CBLN2: variants seen among roughly 807,000 people sequenced by gnomAD.
CBLN2 encodes the protein cerebellin 2 precursor.
CBLN2 carries 7 observed loss-of-function variants against 15.0 expected under a neutral mutation model. The observed-to-expected ratio is 0.47, with a 90% CI of 0.27 to 0.88. CBLN2 has a LOEUF of 0.88. Among genes scored for constraint, CBLN2 ranks in the 40% least tolerant of loss-of-function variants. The probability of loss-of-function intolerance (pLI) is 0.14; values close to 1 mark genes in which losing one functional copy is unlikely to be tolerated. For synonymous variants in CBLN2, 149 were observed against 135.2 expected (o/e 1.10, Z -0.71); for missense variants, 242 against 304.5 (o/e 0.79, Z 1.53).
At position 72,538,224 on chromosome 18, in the gene CBLN2, C is replaced by A. The variant is rs771463589; in HGVS notation, c.627G>T (p.Gly209=). 1.9e-6 allele frequency: 3 copies of A among 1,614,100 alleles called. No individual in the cohort carries two copies. In the Admixed American group the frequency reaches 5.0e-5, roughly 27 times the overall value. The change falls in exon 5 of 5, where the codon GGG becomes GGT. Residue 209 remains glycine (G), a synonymous_variant. Coordinates refer to ENST00000269503, the MANE Select transcript of CBLN2 (RefSeq NM_182511.4). ...HLKLERGNLM[G]GWKYSTFSGF... ...CCGAGAATGTGGAGTATTTCCAGCC[C>A]CCCATGAGGTTGCCTCTCTCAAGTT...
intron 1 of CBLN2, among the ~76,000 whole-genome samples, chr18:72,632,673 T>A (rs1376859982): frequency 6.6e-6 from 1 of 152,186 alleles, no homozygotes; most frequent in East Asian, 1.9e-4. Context: ...CTTAACATGA[T>A]AGAAATAAAC....
At chr18:72,584,112 G>A (rs1366599271) in intron 1 of CBLN2, among the ~76,000 whole-genome samples, 3 of 152,118 alleles carry the variant, frequency 2.0e-5, no homozygotes, top group Non-Finnish European at 2.9e-5. Flanking sequence ...GCAGACAGAA[G>A]GGCACACGCA....
intron 1 of CBLN2, chr18:72,620,420 G>A (rs933704869): frequency 3.3e-5 from 5 of 152,240 alleles, no homozygotes; most frequent in African/African-American, 1.2e-4. Flanking sequence ...GGGATGGGCA[G>A]GTAATCTTCC....
At chr18:72,579,135 G>C (rs1485258907) in intron 1 of CBLN2, among the ~76,000 whole-genome samples, 2 of 152,066 alleles carry the variant, frequency 1.3e-5, no homozygotes, top group African/African-American at 4.8e-5. Flanking sequence ...ACCACTAATT[G>C]AACTGCTGGA....
intron 1 of CBLN2, among the ~76,000 whole-genome samples, chr18:72,635,740 T>C (rs1384679069): frequency 6.6e-6 from 1 of 152,150 alleles, no homozygotes; most frequent in Admixed American, 6.5e-5. Context: ...CTAGGTTTGA[T>C]GGAAATACCT....
chr18:72,623,640 A>C (rs1157312993), intron 1 of CBLN2, among the ~76,000 whole-genome samples: 1 of 152,104 alleles, frequency 6.6e-6, no homozygotes, highest in Non-Finnish European at 1.5e-5. Flanking sequence ...CACTGGCCTG[A>C]GTTTGCCCTG....
intron 1 of CBLN2, among the ~76,000 whole-genome samples, chr18:72,572,963 A>G (rs2069341789): frequency 6.6e-6 from 1 of 152,218 alleles, no homozygotes; most frequent in South Asian, 2.1e-4. Flanking sequence ...ATTCCAAAAC[A>G]GATTATCTTG....
At chr18:72,633,275 C>A (rs553289093) in intron 1 of CBLN2, among the ~76,000 whole-genome samples, 3 of 152,230 alleles carry the variant, frequency 2.0e-5, no homozygotes, top group Non-Finnish European at 4.4e-5. Flanking sequence ...GTGGGCATAC[C>A]TTTAATGTAG....
At chr18:72,590,189 C>T (rs1208493923) in intron 1 of CBLN2, among the ~76,000 whole-genome samples, 1 of 151,236 alleles carries the variant, frequency 6.6e-6, no homozygotes, top group African/African-American at 2.4e-5. Context: ...GGTGTGAACC[C>T]GGGAGGCGGA....
chr18:72,566,279 A>G (rs1599001800), intron 1 of CBLN2, among the ~76,000 whole-genome samples: 1 of 152,344 alleles, frequency 6.6e-6, no homozygotes, highest in Admixed American at 6.5e-5. Flanking sequence ...AATATTAAAA[A>G]TAGAACTACC....
At chr18:72,575,804 G>T (rs546674427) in intron 1 of CBLN2, among the ~76,000 whole-genome samples, 68 of 63,048 alleles carry the variant, frequency 1.1e-3, no homozygotes, top group Non-Finnish European at 2.1e-3. Flanking sequence ...GGAGATGTGC[G>T]GTGACCTGAT....
chr18:72,607,026 G>A (rs1477368519), intron 1 of CBLN2, among the ~76,000 whole-genome samples: 1 of 152,172 alleles, frequency 6.6e-6, no homozygotes, highest in African/African-American at 2.4e-5. Flanking sequence ...AGAGGTCATA[G>A]GTTAAAATGA....
At chr18:72,568,717 T>C (rs184929192) in intron 1 of CBLN2, among the ~76,000 whole-genome samples, 1 of 152,362 alleles carries the variant, frequency 6.6e-6, no homozygotes, top group African/African-American at 2.4e-5. Flanking sequence ...TGTGTTATTG[T>C]GCATCCCTGT....
At chr18:72,621,634 C>A (rs926438486) in intron 1 of CBLN2, among the ~76,000 whole-genome samples, 2 of 152,076 alleles carry the variant, frequency 1.3e-5, no homozygotes, top group Admixed American at 6.6e-5. Flanking sequence ...AGAAATTAAC[C>A]ACAGCCATTT....
intron 1 of CBLN2, among the ~76,000 whole-genome samples, chr18:72,562,483 G>T (rs556720691): frequency 1.3e-5 from 2 of 152,142 alleles, no homozygotes; most frequent in Admixed American, 1.3e-4. Flanking sequence ...ACCCATTTAA[G>T]TATGATTTCT....
At chr18:72,591,092 T>G (rs1004683717) in intron 1 of CBLN2, among the ~76,000 whole-genome samples, 4 of 152,186 alleles carry the variant, frequency 2.6e-5, no homozygotes, top group Non-Finnish European at 4.4e-5. Context: ...CAAGAGCCAG[T>G]GTGACTGGTG....
rs1311950125 is a variant in CBLN2, at chr18:72,543,989, A to G, written c.-224T>C. ...CGGTCCTGCTCACCCAAACGCCCAG[A>G]GCAAAATACTCCCAGACGTCTCTTT... On this transcript the variant is annotated 5_prime_UTR_variant, in exon 1 of 5. Transcript: ENST00000269503. The surrounding 1 kb of genome is among the most constrained non-coding windows in gnomAD (Gnocchi z 6.8). 6.6e-6 allele frequency: 1 copy of G among 152,566 alleles called. No individual in the cohort carries two copies. Among genetic ancestry groups the G allele is most frequent in the East Asian group, 1.9e-4 (1 of 5,160 alleles). 9.5% of individuals were successfully genotyped at this position (152,566 alleles called of 1,614,324 possible).
intron 3 of CBLN2, among the ~76,000 whole-genome samples, chr18:72,541,207 T>G (rs747583321): frequency 2.4e-4 from 37 of 152,220 alleles, no homozygotes; most frequent in Non-Finnish European, 4.3e-4. Context: ...ATGGTATATA[T>G]TTCATTTACT....
At chr18:72,582,311 C>T (rs779573924) in intron 1 of CBLN2, among the ~76,000 whole-genome samples, 2 of 152,124 alleles carry the variant, frequency 1.3e-5, no homozygotes, top group Non-Finnish European at 2.9e-5. Context: ...TTAGTGTCTC[C>T]TAACTGACAT....
Sources: gnomAD v4.1 joint callset for allele counts (sites outside exome capture counted in the v4.1 genomes callset) on GRCh38, gnomAD v4.1.1 for gene constraint, Gnocchi (gnomAD v3.1) non-coding constraint, MANE v1.5 for transcripts, NCBI Gene and HGNC (gene_info 2026-07-23, HGNC 2026-07-21) for gene names.